CSMD1: variants seen among roughly 807,000 people sequenced by gnomAD.
CSMD1 encodes CUB and Sushi multiple domains 1.
In CSMD1, 213 loss-of-function variants were observed where a neutral mutation model predicts 417.5. That is an observed-to-expected ratio of 0.51 (90% CI 0.46 to 0.57). The LOEUF is 0.57. Among genes scored for constraint, CSMD1 ranks in the 20% least tolerant of loss-of-function variants. The probability of loss-of-function intolerance (pLI) is 0.00; values close to 1 mark genes in which losing one functional copy is unlikely to be tolerated. For missense variants in CSMD1, 6,923 were observed against 4,529.7 expected, an observed-to-expected ratio of 1.53 and a Z score of -15.17; for synonymous variants, 2,862 against 1,736.8, an observed-to-expected ratio of 1.65 and a Z score of -16.11.
intron 41 of CSMD1, among the ~76,000 whole-genome samples, chr8:3,139,730 A>G (rs1335056328): frequency 6.6e-6 from 1 of 152,098 alleles, no homozygotes; most frequent in Non-Finnish European, 1.5e-5. Flanking sequence ...GATGTGTGAG[A>G]GACAGATCTG....
chr8:4,409,223 A>T (rs1326278347), intron 3 of CSMD1, among the ~76,000 whole-genome samples: 1 of 152,178 alleles, frequency 6.6e-6, no homozygotes, highest in East Asian at 1.9e-4. Context: ...TGATTGATGA[A>T]ATTCGAATGC....
intron 55 of CSMD1, among the ~76,000 whole-genome samples, chr8:2,975,574 T>C (rs1239244015): frequency 6.6e-6 from 1 of 152,178 alleles, no homozygotes; most frequent in Non-Finnish European, 1.5e-5. Context: ...TACATGGACA[T>C]TGATTCATTG....
At chr8:3,023,349 C>T (rs76595457) in intron 51 of CSMD1, among the ~76,000 whole-genome samples, 2,343 of 152,174 alleles carry the variant, frequency 0.015, 20 homozygotes, top group East Asian at 0.038. Flanking sequence ...TTTTCTGGTT[C>T]AGGGATTTCT....
intron 11 of CSMD1, among the ~76,000 whole-genome samples, chr8:3,490,827 C>G (rs2897372): frequency 0.11 from 17,194 of 151,190 alleles, 1,352 homozygotes; most frequent in East Asian, 0.26. Flanking sequence ...ATATAGATAT[C>G]TGGGCCCTCA....
chr8:3,857,930 C>A (rs1211898684), intron 5 of CSMD1, among the ~76,000 whole-genome samples: 1 of 152,214 alleles, frequency 6.6e-6, no homozygotes, highest in Non-Finnish European at 1.5e-5. Flanking sequence ...GGCTTCCAGC[C>A]AATCAAATAA....
intron 2 of CSMD1, among the ~76,000 whole-genome samples, chr8:4,509,685 G>A (rs779936878): frequency 6.6e-6 from 1 of 152,132 alleles, no homozygotes; most frequent in African/African-American, 2.4e-5. Context: ...TCACAGTCAT[G>A]CTGATAATAG....
intron 1 of CSMD1, among the ~76,000 whole-genome samples, chr8:4,713,458 G>C (rs538548308): frequency 9.9e-5 from 15 of 152,228 alleles, no homozygotes; most frequent in African/African-American, 3.4e-4. Context: ...CTGGAGTGCA[G>C]TGGCGCGATA....
intron 3 of CSMD1, among the ~76,000 whole-genome samples, chr8:4,117,517 C>A (rs1279611416): frequency 6.6e-6 from 1 of 152,226 alleles, no homozygotes; most frequent in African/African-American, 2.4e-5. Context: ...CCGACCAACT[C>A]TCTCGGCAGC....
At chr8:4,844,195 G>C (rs190945400) in intron 1 of CSMD1, among the ~76,000 whole-genome samples, 2 of 152,260 alleles carry the variant, frequency 1.3e-5, no homozygotes, top group East Asian at 1.9e-4. Context: ...GGAAAAAAAA[G>C]TGTTAGTTGT....
intron 46 of CSMD1, among the ~76,000 whole-genome samples, chr8:3,098,945 G>C (rs368090321): frequency 6.6e-6 from 1 of 151,540 alleles, no homozygotes; most frequent in Admixed American, 6.6e-5. Context: ...TAAGGACTAG[G>C]GATGATTACA....
intron 3 of CSMD1, among the ~76,000 whole-genome samples, chr8:4,149,799 G>C (rs1018431474): frequency 2.0e-5 from 3 of 152,212 alleles, no homozygotes; most frequent in Non-Finnish European, 4.4e-5. Context: ...AAGGTCACTT[G>C]AGAATTTCCT....
chr8:3,862,763 G>T (rs1804803746), intron 5 of CSMD1, among the ~76,000 whole-genome samples: 2 of 152,126 alleles, frequency 1.3e-5, no homozygotes, highest in Non-Finnish European at 2.9e-5. Context: ...TTTTGCCACT[G>T]ACGAGATTAC....
intron 3 of CSMD1, among the ~76,000 whole-genome samples, chr8:4,064,220 G>A (rs1743711948): frequency 6.6e-6 from 1 of 152,172 alleles, no homozygotes; most frequent in African/African-American, 2.4e-5. Flanking sequence ...ATTTGTTTCT[G>A]CATCCCAGTG....
chr8:3,814,631 CCAAA>C (rs929651874), intron 5 of CSMD1, among the ~76,000 whole-genome samples: 6 of 152,124 alleles, frequency 3.9e-5, no homozygotes, highest in Admixed American at 1.3e-4. Flanking sequence ...GAACGGCCTC[CCAAA>C]CAAAGAGCTA....
In CSMD1 at chr8:4,319,865, C is replaced by T. The variant is rs369616805; in HGVS notation, c.415+100088G>A. 1.7e-3 allele frequency among the ~76,000 whole-genome samples: 254 copies of T among 152,234 alleles called. 1 individual carries two copies. The highest frequency in any genetic ancestry group is 4.4e-3 in the South Asian group (21 of 4,818). ...GCTCACCTGTATATTATGCAGGTAA[C>T]AGAGGTACCCAAGGCTGAGCTCAGG... On this transcript the variant is annotated intron_variant, in intron 3 of 69. Coordinates refer to ENST00000635120, the MANE Select transcript of CSMD1 (RefSeq NM_033225.6).
intron 7 of CSMD1, among the ~76,000 whole-genome samples, chr8:3,648,867 G>T (rs1797708500): frequency 6.6e-6 from 1 of 152,166 alleles, no homozygotes. Flanking sequence ...GTGTGACTCA[G>T]TTCAGCAGTT....
At chr8:3,464,046 T>C (rs1044656452) in intron 12 of CSMD1, among the ~76,000 whole-genome samples, 1 of 152,218 alleles carries the variant, frequency 6.6e-6, no homozygotes, top group Non-Finnish European at 1.5e-5. Flanking sequence ...TCACTCTTAG[T>C]ATTAGCCCAA....
At chr8:3,412,452 T>G (rs1812871121) in intron 12 of CSMD1, among the ~76,000 whole-genome samples, 1 of 152,274 alleles carries the variant, frequency 6.6e-6, no homozygotes, top group African/African-American at 2.4e-5. Context: ...GATCCAGAGA[T>G]GTTATATTGC....
intron 23 of CSMD1, among the ~76,000 whole-genome samples, chr8:3,341,294 C>G (rs1001400021): frequency 6.6e-6 from 1 of 152,160 alleles, no homozygotes; most frequent in East Asian, 1.9e-4. Flanking sequence ...ACCTGGACAA[C>G]AGAAGAGGCT....
Sources: gnomAD v4.1 joint callset for allele counts (sites outside exome capture counted in the v4.1 genomes callset) on GRCh38, gnomAD v4.1.1 for gene constraint, MANE v1.5 for transcripts, NCBI Gene and HGNC (gene_info 2026-07-23, HGNC 2026-07-21) for gene names.